Variants in AUTS2 observed in about 807,000 individuals in gnomAD.
The protein encoded by AUTS2 is activator of transcription and developmental regulator AUTS2.
AUTS2 carries 17 observed loss-of-function variants against 112.4 expected under a neutral mutation model. The ratio of observed to expected loss-of-function variants is 0.15; its 90% confidence interval spans 0.10 to 0.23. The LOEUF is 0.23. Ranked by LOEUF, AUTS2 falls within the 10% of genes least tolerant of loss-of-function variation. The pLI is 1.00. For synonymous variants in AUTS2, 751 were observed against 702.7 expected (o/e 1.07, Z -1.09); for missense variants, 1,510 against 1,701.6 (o/e 0.89, Z 1.98).
chr7:69,984,227 A>T (rs547539724), intron 2 of AUTS2, among the ~76,000 whole-genome samples: 190 of 152,036 alleles, frequency 1.2e-3, no homozygotes, highest in Middle Eastern at 3.4e-3. Context: ...ACCACGGTGA[A>T]ACCCCGTCTC....
chr7:69,676,447 T>C (rs561471745), intron 1 of AUTS2, among the ~76,000 whole-genome samples: 3 of 152,368 alleles, frequency 2.0e-5, no homozygotes, highest in South Asian at 4.1e-4. Context: ...TGCAGATGTT[T>C]CTAGAAATGA....
intron 2 of AUTS2, among the ~76,000 whole-genome samples, chr7:69,986,640 C>T (rs1349226889): frequency 6.6e-6 from 1 of 152,186 alleles, no homozygotes; most frequent in Non-Finnish European, 1.5e-5. Context: ...GCTTGAAGAA[C>T]TAAGTTTTCT....
At chr7:70,341,714 C>T (rs1464787) in intron 4 of AUTS2, among the ~76,000 whole-genome samples, 44,252 of 152,118 alleles carry the variant, frequency 0.29, 6,753 homozygotes, top group African/African-American at 0.38. Context: ...TTCCCTTGGC[C>T]TCTCTTTCAG....
chr7:70,123,692 A>G (rs1805810171), intron 3 of AUTS2, among the ~76,000 whole-genome samples: 1 of 152,192 alleles, frequency 6.6e-6, no homozygotes, highest in South Asian at 2.1e-4. Context: ...GTTGATTTTT[A>G]TGGCAATGTA....
At chr7:70,230,639 C>T (rs1158071617) in intron 4 of AUTS2, among the ~76,000 whole-genome samples, 2 of 152,192 alleles carry the variant, frequency 1.3e-5, no homozygotes, top group Non-Finnish European at 2.9e-5. Context: ...TTTCTGCAGG[C>T]TCTCTGAGCA....
intron 5 of AUTS2, among the ~76,000 whole-genome samples, chr7:70,496,257 CA>C: frequency 7.0e-6 from 1 of 143,788 alleles, no homozygotes; most frequent in Non-Finnish European, 1.5e-5. Flanking sequence ...ACACACACCC[CA>C]CACATGCACA....
In AUTS2 at chr7:70,372,752, A is replaced by G. The variant is rs1355192375; in HGVS notation, c.661-63000A>G. Among the ~76,000 whole-genome samples the G allele has an allele frequency of 2.0e-5, 3 of 152,026 alleles. No individual in the cohort carries two copies. The East Asian group carries it at 5.8e-4, about 29-fold the overall frequency. ...CATCCTTAAAAACAAAGAGGAAAAA[A>G]AAATCAACCCTGTTAATAACTTCCA... On this transcript the variant is annotated intron_variant, in intron 4 of 18. Transcript: ENST00000342771.
intron 5 of AUTS2, among the ~76,000 whole-genome samples, chr7:70,471,816 T>A (rs1485094588): frequency 1.3e-5 from 2 of 151,832 alleles, no homozygotes; most frequent in East Asian, 3.9e-4. Flanking sequence ...GGTGTATGCG[T>A]GGTGGGGTCA....
At chr7:69,786,510 G>A (rs567138409) in intron 1 of AUTS2, among the ~76,000 whole-genome samples, 4 of 152,196 alleles carry the variant, frequency 2.6e-5, no homozygotes, top group African/African-American at 4.8e-5. Context: ...GTGGCAACCC[G>A]CTTGGGTCCT....
At chr7:69,805,323 T>G (rs890634559) in intron 1 of AUTS2, among the ~76,000 whole-genome samples, 5 of 152,208 alleles carry the variant, frequency 3.3e-5, no homozygotes, top group Non-Finnish European at 7.3e-5. Flanking sequence ...CCCAGAAATT[T>G]CCTTGTGAGA....
rs180770248 is a variant in AUTS2 at position 70,342,378 on chromosome 7, C to G, written c.661-93374C>G. On this transcript the variant is annotated intron_variant, in intron 4 of 18. Coordinates refer to ENST00000342771, the MANE Select transcript of AUTS2 (RefSeq NM_015570.4). ...TTGCCAGAAGATCGATGAGAAAATG[C>G]TGAGTATGTGTGTATTTATTATCAA... Among the ~76,000 whole-genome samples the G allele has an allele frequency of 3.3e-5, 5 of 150,374 alleles. No homozygotes were observed. In the East Asian group the frequency reaches 7.8e-4, roughly 24 times the overall value.
chr7:69,716,338 T>A (rs1425906416), intron 1 of AUTS2, among the ~76,000 whole-genome samples: 2 of 151,980 alleles, frequency 1.3e-5, no homozygotes, highest in African/African-American at 4.8e-5. Context: ...ACCCTACTAA[T>A]ACTCAGAGCT....
At chr7:69,735,758 C>G (rs1401201529) in intron 1 of AUTS2, among the ~76,000 whole-genome samples, 1 of 152,190 alleles carries the variant, frequency 6.6e-6, no homozygotes, top group Non-Finnish European at 1.5e-5. Context: ...TTGTGAGCTC[C>G]GTAAGGGCTG....
chr7:70,666,699 A>G (rs1165445427), intron 5 of AUTS2, among the ~76,000 whole-genome samples: 1 of 152,046 alleles, frequency 6.6e-6, no homozygotes, highest in Non-Finnish European at 1.5e-5. Context: ...GTGCACCCCC[A>G]AGGACACCTG....
At chr7:70,212,297 G>A (rs1318772351) in intron 4 of AUTS2, among the ~76,000 whole-genome samples, 1 of 152,194 alleles carries the variant, frequency 6.6e-6, no homozygotes, top group Non-Finnish European at 1.5e-5. Flanking sequence ...TTTTTCCGCA[G>A]TACAGGGAGA....
At chr7:70,179,893 C>A (rs1378017336) in intron 4 of AUTS2, among the ~76,000 whole-genome samples, 1 of 152,176 alleles carries the variant, frequency 6.6e-6, no homozygotes, top group Non-Finnish European at 1.5e-5. Context: ...GGATGTTCAA[C>A]ATAAGCCTTT....
At chr7:70,284,103 A>C (rs943134854) in intron 4 of AUTS2, among the ~76,000 whole-genome samples, 9 of 152,234 alleles carry the variant, frequency 5.9e-5, no homozygotes, top group Non-Finnish European at 1.3e-4. Context: ...AAAAACAAAA[A>C]ATTACCAGTA....
At chr7:70,106,555 C>G (rs1409291804) in intron 2 of AUTS2, among the ~76,000 whole-genome samples, 1 of 151,930 alleles carries the variant, frequency 6.6e-6, no homozygotes, top group Non-Finnish European at 1.5e-5. Context: ...TCTTGTCTCT[C>G]AAAAAAATGT....
intron 1 of AUTS2, among the ~76,000 whole-genome samples, chr7:69,815,578 G>GCA (rs1790723647): frequency 6.6e-6 from 1 of 152,054 alleles, no homozygotes; most frequent in African/African-American, 2.4e-5. Context: ...GCAGTGGCAT[G>GCA]ATCTCAGCTC....
Sources: gnomAD v4.1 joint callset for allele counts (sites outside exome capture counted in the v4.1 genomes callset) on GRCh38, gnomAD v4.1.1 for gene constraint, MANE v1.5 for transcripts, NCBI Gene and HGNC (gene_info 2026-07-23, HGNC 2026-07-21) for gene names.